Variants in PCNT observed in about 807,000 individuals in gnomAD.
The protein encoded by PCNT is kendrin.
PCNT carries 319 observed loss-of-function variants against 380.4 expected under a neutral mutation model. That is an observed-to-expected ratio of 0.84 (90% CI 0.77 to 0.92). PCNT has a LOEUF of 0.92. Among genes scored for constraint, PCNT ranks in the 40% least tolerant of loss-of-function variants. The pLI is 0.00. For missense variants in PCNT, 4,400 were observed against 4,255.3 expected (o/e 1.03, Z -0.95); for synonymous variants, 1,845 against 1,735.2 (o/e 1.06, Z -1.57).
chr21:46,334,819 T>A, intron 3 of PCNT, 51 bp downstream of exon 3: 4 of 1,613,582 alleles, frequency 2.5e-6, no homozygotes, highest in Non-Finnish European at 3.4e-6. Flanking sequence ...AAGATTTCTT[T>A]ATGTTGTAGA....
chr21:46,376,938 G>A (rs1455102402), intron 15 of PCNT, among the ~76,000 whole-genome samples: 3 of 151,862 alleles, frequency 2.0e-5, no homozygotes, highest in South Asian at 4.1e-4. Context: ...GAGACCTTGC[G>A]AGTGACTTCA....
intron 27 of PCNT, among the ~76,000 whole-genome samples, chr21:46,408,203 T>C (rs1323103395): frequency 6.6e-6 from 1 of 152,222 alleles, no homozygotes; most frequent in Non-Finnish European, 1.5e-5. Context: ...GGTGTTGTAA[T>C]GCACTGGAAA....
Position 46,412,989 on chromosome 21 carries a change from C to CA in PCNT, c.6149dup (p.Lys2052Ter). 1 of 1,607,244 alleles carries CA rather than the reference C, an allele frequency of 6.2e-7. No homozygotes were observed. The highest frequency in any genetic ancestry group is 8.5e-7 in the Non-Finnish European group (1 of 1,179,826). The stretch of plus-strand genomic sequence containing the variant: ...TGCGCCTGAGTCTGGAGGACGGCGG[C>CA]AAGGTGTGGGGAGGGGGGAAGGCGC... On this transcript the variant is annotated frameshift_variant, in exon 29 of 47. Transcript: ENST00000359568. LOFTEE classifies it high-confidence loss of function.
At chr21:46,429,881 T>A (rs2087677438) in intron 35 of PCNT, 129 bp from the exon 36 acceptor site, 1 of 714,728 alleles carries the variant, frequency 1.4e-6, no homozygotes, top group Non-Finnish European at 2.4e-6. Flanking sequence ...AAGCTTCTAG[T>A]CCACAGAACC....
intron 30 of PCNT, among the ~76,000 whole-genome samples, chr21:46,417,348 C>T (rs1395945994): frequency 6.6e-6 from 1 of 151,980 alleles, no homozygotes; most frequent in East Asian, 1.9e-4. Context: ...GCACACGCCA[C>T]CACACCCGGC....
At chr21:46,430,826 G>A in intron 37 of PCNT, 169 bp downstream of exon 37, 2 of 985,446 alleles carry the variant, frequency 2.0e-6, no homozygotes, top group Non-Finnish European at 2.4e-6. Flanking sequence ...TTGCACCTTG[G>A]TGTAGTGGCA....
intron 43 of PCNT, among the ~76,000 whole-genome samples, chr21:46,441,414 T>G (rs770246310): frequency 4.6e-5 from 7 of 152,212 alleles, no homozygotes; most frequent in Non-Finnish European, 8.8e-5. Context: ...CGGCTGTGCC[T>G]GCTCCCTGAT....
In PCNT at chr21:46,355,616, G is replaced by T; in HGVS notation, c.1926G>T (p.Gly642=). The change falls in exon 12 of 47, where the codon GGG becomes GGT. Residue 642 remains glycine (G), a synonymous_variant. Coordinates refer to ENST00000359568, the MANE Select transcript of PCNT (RefSeq NM_006031.6). ...AGTGGCGTCTGGAACCCTCTGAAGGGCACAGCCAAGGTGGGCCCCTCCCGC... is the reference window on the plus strand; with the variant it reads ...AGTGGCGTCTGGAACCCTCTGAAGGTCACAGCCAAGGTGGGCCCCTCCCGC... The part of the protein sequence containing the change: ...GHEWRLEPSE[G]HSQELPWVHL... The T allele has an allele frequency of 6.2e-7, 1 of 1,613,030 alleles. No individual in the cohort carries two copies. Among genetic ancestry groups the T allele is most frequent in the African/African-American group, 1.3e-5 (1 of 75,020 alleles).
intron 15 of PCNT, among the ~76,000 whole-genome samples, chr21:46,378,608 A>G (rs925438679): frequency 2.6e-5 from 4 of 152,202 alleles, no homozygotes; most frequent in African/African-American, 9.6e-5. Flanking sequence ...TTTAACACTC[A>G]TAAGAGTTGT....
At position 46,326,090 on chromosome 21, in the gene PCNT, A is replaced by G. The variant is rs192521043; in HGVS notation, c.55-287A>G. ...TCAATCTTTTATACAAATTTTTTTT[A>G]AAGTTTTATTTTTCTGTAAACTGCC... On this transcript the variant is annotated intron_variant, in intron 1 of 46. Coordinates refer to ENST00000359568, the MANE Select transcript of PCNT (RefSeq NM_006031.6). 4.6e-3 allele frequency among the ~76,000 whole-genome samples: 695 copies of G among 152,298 alleles called. 14 individuals are homozygous for G. Among genetic ancestry groups the G allele is most frequent in the South Asian group, 1.9e-3 (9 of 4,828 alleles).
chr21:46,413,261 C>A (rs56690985), intron 29 of PCNT, among the ~76,000 whole-genome samples: 45 of 120,490 alleles, frequency 3.7e-4, no homozygotes, highest in Non-Finnish European at 6.5e-4. Context: ...CGTGAGGCCC[C>A]CCTGGGAGAG....
intron 28 of PCNT, 88 bp from the exon 29 acceptor site, chr21:46,412,749 G>T (rs946167805): frequency 2.1e-6 from 3 of 1,408,416 alleles, no homozygotes; most frequent in Middle Eastern, 3.5e-4. Flanking sequence ...GCTGGCTGCC[G>T]TACTGGTTCC....
intron 43 of PCNT, among the ~76,000 whole-genome samples, chr21:46,442,011 C>T (rs2053618356): frequency 6.6e-6 from 1 of 152,180 alleles, no homozygotes; most frequent in African/African-American, 2.4e-5. Context: ...GACCTGCATG[C>T]CCTCGTCACC....
At chr21:46,443,307 T>G (rs1325405630) in intron 44 of PCNT, 1 of 170,336 alleles carries the variant, frequency 5.9e-6, no homozygotes, top group Non-Finnish European at 1.3e-5. Flanking sequence ...AGCCTTGAAC[T>G]CGTGGGCTCA....
In PCNT at chr21:46,437,092, AGCG is replaced by A; in HGVS notation, c.9099+12_9099+14del. The A allele has an allele frequency of 1.9e-6, 3 of 1,599,928 alleles. 1 individual carries two copies. The highest frequency in any genetic ancestry group is 2.2e-5 in the South Asian group (2 of 90,714). Reference sequence around the variant, plus strand: ...CCCACCTCCTCCCAGGTAAGGGGTGAGCGCCCCCAGGTCCCTGGCCTGGCTCCT... The same window carrying A: ...CCCACCTCCTCCCAGGTAAGGGGTGACCCCCAGGTCCCTGGCCTGGCTCCT... On this transcript the variant is annotated intron_variant, in intron 40 of 46. Coordinates refer to ENST00000359568, the MANE Select transcript of PCNT (RefSeq NM_006031.6).
intron 31 of PCNT, among the ~76,000 whole-genome samples, chr21:46,419,744 G>C (rs968992429): frequency 6.6e-6 from 1 of 152,074 alleles, no homozygotes; most frequent in South Asian, 2.1e-4. Context: ...CCTCCTCAAC[G>C]GTCTCTTATT....
chr21:46,346,255 C>A, intron 4 of PCNT, 47 bp downstream of exon 4: 1 of 1,314,462 alleles, frequency 7.6e-7, no homozygotes, highest in African/African-American at 1.5e-5. Context: ...GCTCTGTTAT[C>A]CCCACAGGGC....
Position 46,430,604 on chromosome 21 carries a change from G to C in PCNT, c.8011G>C (p.Glu2671Gln). The C allele has an allele frequency of 6.4e-7, 1 of 1,568,414 alleles. No individual in the cohort carries two copies. The change falls in exon 37 of 47, where the codon GAG becomes CAG. Residue 2671 changes from glutamate to glutamine, a missense_variant. Physicochemically the swap from Glu to Gln is conservative, Grantham distance 29. Transcript: ENST00000359568. ...GCGTGCCCTGCAGAGCCAGCTGGAG[G>C]AGGAGCAGCTGCGGCACCTGCAGAG... is the stretch of plus-strand genomic sequence containing the variant. The part of the protein sequence containing the change: ...KGRALQSQLE[E>Q]EQLRHLQRES...
chr21:46,418,380 T>C (rs774241394), intron 31 of PCNT, 74 bp downstream of exon 31: 20 of 921,740 alleles, frequency 2.2e-5, no homozygotes, highest in Admixed American at 3.9e-5. Flanking sequence ...AAAGAATTCC[T>C]GCATCCTTTG....
Sources: allele counts gnomAD v4.1 joint callset (sites outside exome capture counted in the v4.1 genomes callset), GRCh38; gene constraint gnomAD v4.1.1; transcripts MANE v1.5; gene names NCBI Gene and HGNC (gene_info 2026-07-23, HGNC 2026-07-21).